PRKCH: variants seen among roughly 807,000 people sequenced by gnomAD.
PRKCH encodes protein kinase C eta type.
Under a neutral mutation model 82.5 loss-of-function variants are expected in PRKCH, and 28 were observed. The ratio of observed to expected loss-of-function variants is 0.34; its 90% CI spans 0.25 to 0.47. The LOEUF is 0.47. PRKCH is among the 20% of genes least tolerant of loss of function. The pLI, the probability that PRKCH is intolerant of heterozygous loss-of-function variation, is 1.00. For missense variants in PRKCH, 705 were observed against 881.8 expected (o/e 0.80, Z 2.54); for synonymous variants, 322 against 327.4 (o/e 0.98, Z 0.18).
intron 1 of PRKCH, among the ~76,000 whole-genome samples, chr14:61,334,379 G>A (rs553991105): frequency 1.3e-5 from 2 of 152,260 alleles, no homozygotes; most frequent in East Asian, 3.9e-4. Flanking sequence ...GAGAATCAAA[G>A]CAGGGTGACT....
intron 1 of PRKCH, among the ~76,000 whole-genome samples, chr14:61,295,987 T>C (rs1015821952): frequency 6.6e-6 from 1 of 152,140 alleles, no homozygotes; most frequent in Admixed American, 6.6e-5. Flanking sequence ...CCTGAAGCGG[T>C]CGGCTAGGGA....
At chr14:61,532,982 G>A (rs1566932119) in intron 12 of PRKCH, among the ~76,000 whole-genome samples, 1 of 152,156 alleles carries the variant, frequency 6.6e-6, no homozygotes, top group Admixed American at 6.5e-5. Flanking sequence ...AACACTCGAC[G>A]CTCTCTCTGG....
chr14:61,337,287 G>A (rs1208697825), intron 1 of PRKCH, among the ~76,000 whole-genome samples: 4 of 151,100 alleles, frequency 2.6e-5, no homozygotes, highest in Non-Finnish European at 5.9e-5. Context: ...GGGACCATAG[G>A]CGTGCGCCAC....
intron 1 of PRKCH, among the ~76,000 whole-genome samples, chr14:61,288,304 A>C (rs1010382021): frequency 2.0e-5 from 3 of 152,174 alleles, no homozygotes; most frequent in Admixed American, 6.5e-5. Context: ...TCTGTTGCCC[A>C]GGCTGGTCTT....
chr14:61,516,860 C>T (rs537947707), intron 10 of PRKCH, among the ~76,000 whole-genome samples: 20 of 152,214 alleles, frequency 1.3e-4, no homozygotes, highest in Admixed American at 1.2e-3. Flanking sequence ...GAAACAAAGC[C>T]TTTTATGCAA....
chr14:61,433,799 A>T (rs1486081389), intron 2 of PRKCH, among the ~76,000 whole-genome samples: 3 of 152,368 alleles, frequency 2.0e-5, no homozygotes, highest in African/African-American at 7.2e-5. Flanking sequence ...CACATAGAGT[A>T]TAACATACAT....
chr14:61,390,239 T>G (rs1162564002), intron 1 of PRKCH, among the ~76,000 whole-genome samples: 1 of 152,194 alleles, frequency 6.6e-6, no homozygotes, highest in Non-Finnish European at 1.5e-5. Flanking sequence ...CCATGCTGTA[T>G]GGGGTCTTTC....
intron 1 of PRKCH, among the ~76,000 whole-genome samples, chr14:61,252,529 C>T (rs2044955677): frequency 6.6e-6 from 1 of 152,156 alleles, no homozygotes; most frequent in Middle Eastern, 3.2e-3. Flanking sequence ...CTCACTGAGG[C>T]CAAGCTCCAC....
At chr14:61,371,947 T>C (rs1450768987) in intron 1 of PRKCH, among the ~76,000 whole-genome samples, 1 of 152,124 alleles carries the variant, frequency 6.6e-6, no homozygotes, top group Non-Finnish European at 1.5e-5. Flanking sequence ...ATGCATATTT[T>C]ATATTTTAGG....
chr14:61,245,553 T>C (rs74448826), intron 1 of PRKCH, among the ~76,000 whole-genome samples: 2,898 of 152,296 alleles, frequency 0.019, 27 homozygotes, highest in Middle Eastern at 0.037. Flanking sequence ...CCAAGGACTA[T>C]TACCAGCAGG....
At chr14:61,338,035 GT>G (rs1392464418) in intron 1 of PRKCH, among the ~76,000 whole-genome samples, 3 of 152,244 alleles carry the variant, frequency 2.0e-5, no homozygotes, top group Non-Finnish European at 2.9e-5. Flanking sequence ...CTGTACCTGG[GT>G]TGTGGTTGTA....
At chr14:61,386,392 A>T (rs2046587467) in intron 1 of PRKCH, among the ~76,000 whole-genome samples, 1 of 152,204 alleles carries the variant, frequency 6.6e-6, no homozygotes, top group Non-Finnish European at 1.5e-5. Flanking sequence ...AGTAGTCTGG[A>T]AATAGAAGGC....
At chr14:61,519,962 C>T (rs2042881890) in intron 10 of PRKCH, among the ~76,000 whole-genome samples, 1 of 151,186 alleles carries the variant, frequency 6.6e-6, no homozygotes, top group Non-Finnish European at 1.5e-5. Flanking sequence ...ATGTTTTTTT[C>T]CAACATTCCC....
chr14:61,392,039 C>T (rs1321507608), intron 2 of PRKCH, among the ~76,000 whole-genome samples: 1 of 152,090 alleles, frequency 6.6e-6, no homozygotes, highest in African/African-American at 2.4e-5. Flanking sequence ...TGGTTTCTTT[C>T]ACTCAGCATA....
In PRKCH at chr14:61,450,265, T is replaced by C. The variant is rs1218820723; in HGVS notation, c.703-577T>C. Among the ~76,000 whole-genome samples, 3 of 152,310 alleles carry C rather than the reference T, an allele frequency of 2.0e-5. No individual in the cohort carries two copies. The East Asian group carries it at 5.8e-4, about 29-fold the overall frequency. On this transcript the variant is annotated intron_variant, in intron 5 of 13. Coordinates refer to ENST00000332981, the MANE Select transcript of PRKCH (RefSeq NM_006255.5). ...ACTGCAGAGTACATGCCTAGTGGAA[T>C]TATTTGCTGGAAACTGAGATTTAAC...
At chr14:61,455,205 A>ATTTT (rs10689613) in intron 7 of PRKCH, among the ~76,000 whole-genome samples, 30 of 143,970 alleles carry the variant, frequency 2.1e-4, no homozygotes, top group African/African-American at 5.6e-4. Flanking sequence ...AATTTTTTGT[A>ATTTT]TTTTTTTTTT....
intron 1 of PRKCH, among the ~76,000 whole-genome samples, chr14:61,373,542 C>A (rs2046390748): frequency 6.6e-6 from 1 of 151,944 alleles, no homozygotes; most frequent in Admixed American, 6.6e-5. Context: ...CTGGCCCCTC[C>A]CAAATCTCAT....
intron 1 of PRKCH, among the ~76,000 whole-genome samples, chr14:61,231,297 C>T (rs7156285): frequency 0.72 from 109,144 of 151,836 alleles, 42,812 homozygotes; most frequent in Non-Finnish European, 0.89. Flanking sequence ...CAATTCAATA[C>T]ACAAAGTGCT....
intron 12 of PRKCH, among the ~76,000 whole-genome samples, chr14:61,540,158 C>G (rs754345101): frequency 7.2e-5 from 11 of 152,166 alleles, no homozygotes; most frequent in African/African-American, 1.2e-4. Flanking sequence ...TTTTCCAGCC[C>G]TATTACTTTT....
Sources: gnomAD v4.1 joint callset for allele counts (sites outside exome capture counted in the v4.1 genomes callset) on GRCh38, gnomAD v4.1.1 for gene constraint, MANE v1.5 for transcripts, NCBI Gene and HGNC (gene_info 2026-07-23, HGNC 2026-07-21) for gene names.